Variants in PTPN2 observed in about 807,000 individuals in gnomAD.
The protein encoded by PTPN2 is protein tyrosine phosphatase non-receptor type 2.
A neutral mutation model predicts 57.3 loss-of-function variants in PTPN2; 19 were observed. The ratio of observed to expected loss-of-function variants is 0.33; its 90% confidence interval spans 0.23 to 0.49. The LOEUF (loss-of-function observed/expected upper bound fraction) is 0.49, where lower values mean the gene tolerates loss of function less well. PTPN2 is among the 20% of genes least tolerant of loss of function. The pLI is 0.99. For synonymous variants in PTPN2, 153 were observed against 164.9 expected, an observed-to-expected ratio of 0.93 and a Z score of 0.55; for missense variants, 358 against 501.1, an observed-to-expected ratio of 0.71 and a Z score of 2.73.
chr18:12,880,893 A>C (rs74488830), intron 1 of PTPN2, among the ~76,000 whole-genome samples: 15,147 of 152,248 alleles, frequency 0.099, 994 homozygotes, highest in Non-Finnish European at 0.15. Flanking sequence ...TATACATTCA[A>C]CTAGCTTCAT....
chr18:12,864,009 A>C (rs767615772), intron 1 of PTPN2: 1 of 152,210 alleles, frequency 6.6e-6, no homozygotes, highest in Non-Finnish European at 1.5e-5. Context: ...ATGACAAAGA[A>C]AAGACTGGTT....
intron 1 of PTPN2, among the ~76,000 whole-genome samples, chr18:12,865,041 CTT>C (rs2043943704): frequency 6.6e-6 from 1 of 152,166 alleles, no homozygotes; most frequent in Non-Finnish European, 1.5e-5. Flanking sequence ...CATCATTATA[CTT>C]TGTTTTTCAT....
At chr18:12,852,687 C>A (rs917528980) in intron 2 of PTPN2, among the ~76,000 whole-genome samples, 1 of 152,124 alleles carries the variant, frequency 6.6e-6, no homozygotes, top group South Asian at 2.1e-4. Context: ...AGCCCAAATT[C>A]TTCCTAATTT....
intron 5 of PTPN2, among the ~76,000 whole-genome samples, chr18:12,823,966 C>T (rs1435182401): frequency 1.3e-5 from 2 of 152,106 alleles, no homozygotes; most frequent in African/African-American, 4.8e-5. Flanking sequence ...AACAGGGAAA[C>T]ACATCTATGC....
chr18:12,875,838 G>C (rs2044468775), intron 1 of PTPN2, among the ~76,000 whole-genome samples: 2 of 152,182 alleles, frequency 1.3e-5, no homozygotes, highest in South Asian at 4.1e-4. Flanking sequence ...AGAACAGCAG[G>C]GGACTGAGAG....
chr18:12,829,306 A>G (rs2042586107), intron 4 of PTPN2, among the ~76,000 whole-genome samples: 2 of 152,148 alleles, frequency 1.3e-5, no homozygotes, highest in African/African-American at 4.8e-5. Context: ...ACTTGAGGTC[A>G]GGAACTTGAG....
chr18:12,805,217 G>A (rs2041596260), intron 7 of PTPN2, among the ~76,000 whole-genome samples: 1 of 152,078 alleles, frequency 6.6e-6, no homozygotes, highest in African/African-American at 2.4e-5. Flanking sequence ...AGCACTTTGG[G>A]AGGCTGAGGT....
intron 1 of PTPN2, 55 bp downstream of exon 1, chr18:12,884,018 C>T: frequency 3.4e-6 from 5 of 1,461,098 alleles, no homozygotes; most frequent in Non-Finnish European, 4.6e-6. Flanking sequence ...GCGGACAGGG[C>T]ACGAGTCCGG....
intron 6 of PTPN2, among the ~76,000 whole-genome samples, chr18:12,815,292 G>A (rs1358613849): frequency 6.6e-6 from 1 of 150,804 alleles, no homozygotes; most frequent in Non-Finnish European, 1.5e-5. Flanking sequence ...CGCACTTGTA[G>A]TCCCAGCTAC....
Position 12,870,377 on chromosome 18 carries a change from A to C in PTPN2, c.70-11123T>G, listed in dbSNP as rs1305482216. Among the ~76,000 whole-genome samples the C allele has an allele frequency of 7.8e-5, 5 of 64,076 alleles. 1 individual carries two copies. Among genetic ancestry groups the C allele is most frequent in the African/African-American group, 5.5e-4 (5 of 9,142 alleles). The allele number at this position is 64,076 out of a possible 152,430, so 42.0% of individuals were successfully genotyped here. A position where few individuals can be genotyped will look rare whatever the true frequency, so the allele number is the denominator to read the frequency against. ...TGTATATATATGTGTATATATACATATATATACGTATATATGTATATATAC... is the reference window on the plus strand; with the variant it reads ...TGTATATATATGTGTATATATACATCTATATACGTATATATGTATATATAC... On this transcript the variant is annotated intron_variant, in intron 1 of 8. Coordinates refer to ENST00000309660, the MANE Select transcript of PTPN2 (RefSeq NM_002828.4).
At chr18:12,865,040 AC>A (rs1219497523) in intron 1 of PTPN2, among the ~76,000 whole-genome samples, 2 of 152,318 alleles carry the variant, frequency 1.3e-5, no homozygotes, top group East Asian at 3.9e-4. Flanking sequence ...TCATCATTAT[AC>A]TTTGTTTTTC....
chr18:12,800,080 CA>C (rs1885536756), intron 8 of PTPN2, among the ~76,000 whole-genome samples: 1 of 152,138 alleles, frequency 6.6e-6, no homozygotes, highest in South Asian at 2.1e-4. Context: ...AAAACACCGC[CA>C]CCACATGCGA....
At position 12,793,590 on chromosome 18, in the gene PTPN2, G is replaced by T. The variant is rs112545847; in HGVS notation, c.*688C>A. On this transcript the variant is annotated 3_prime_UTR_variant, in exon 9 of 9. Transcript: ENST00000309660. ...ATGGGGAAAACTGTAAAACATAAAA[G>T]AAATGCAATATATAGTAGAAATTGC... The T allele has an allele frequency of 1.4e-4, 137 of 977,742 alleles. No homozygotes were observed. Among genetic ancestry groups the T allele is most frequent in the Middle Eastern group, 5.3e-4 (1 of 1,898 alleles). 60.6% of individuals were successfully genotyped at this position (977,742 alleles called of 1,614,324 possible).
In PTPN2 at chr18:12,841,000, T is replaced by C. The variant is rs1344528733; in HGVS notation, c.161-4109A>G. On this transcript the variant is annotated intron_variant, in intron 2 of 8. Coordinates refer to ENST00000309660, the MANE Select transcript of PTPN2 (RefSeq NM_002828.4). The stretch of plus-strand genomic sequence containing the variant: ...ATACACAATTTTTAGTCAACAAACA[T>C]ATTTTAACCTATAGGGATCTAAAGG... The C allele has an allele frequency of 3.5e-6, 5 of 1,418,794 alleles. No homozygotes were observed. The Admixed American group carries it at 1.1e-4, about 31-fold the overall frequency. 87.9% of individuals were successfully genotyped at this position (1,418,794 alleles called of 1,614,324 possible). A position where few individuals can be genotyped will look rare whatever the true frequency, so the allele number is the denominator to read the frequency against.
chr18:12,846,427 C>T (rs1241388391), intron 2 of PTPN2, among the ~76,000 whole-genome samples: 2 of 152,162 alleles, frequency 1.3e-5, no homozygotes, highest in East Asian at 1.9e-4. Context: ...TGTTTCTTTA[C>T]ATCAGTATAG....
intron 1 of PTPN2, among the ~76,000 whole-genome samples, chr18:12,866,589 A>G (rs1415407385): frequency 6.6e-6 from 1 of 152,230 alleles, no homozygotes; most frequent in Non-Finnish European, 1.5e-5. Flanking sequence ...AGAATGGAGA[A>G]TAACTGTATG....
At chr18:12,788,452 T>A (rs1390668720), downstream of PTPN2, among the ~76,000 whole-genome samples, 6 of 148,504 alleles carry the variant, frequency 4.0e-5, no homozygotes, top group African/African-American at 1.5e-4. Context: ...TTTTTTTTTT[T>A]AAATAGAGTG....
At chr18:12,819,570 G>A (rs2042201426) in intron 5 of PTPN2, among the ~76,000 whole-genome samples, 1 of 151,934 alleles carries the variant, frequency 6.6e-6, no homozygotes, top group African/African-American at 2.4e-5. Flanking sequence ...TTTCTGTTAT[G>A]GGCAGTGGTT....
In PTPN2 at chr18:12,792,618, T is replaced by A. The variant is rs567865137; in HGVS notation, c.*1660A>T. 4 of 149,606 alleles carry A rather than the reference T, an allele frequency of 2.7e-5. No homozygotes were observed. Among genetic ancestry groups the A allele is most frequent in the African/African-American group, 9.9e-5 (4 of 40,248 alleles). The allele number at this position is 149,606 out of a possible 1,614,324, so 9.3% of individuals were successfully genotyped here. ...TTTGTTTGTTTCTTTTGAGATGGAGTCTCGCTCTGTCGCCCTGGCTGGAGT... is the reference window on the plus strand; with the variant it reads ...TTTGTTTGTTTCTTTTGAGATGGAGACTCGCTCTGTCGCCCTGGCTGGAGT... On this transcript the variant is annotated 3_prime_UTR_variant, in exon 9 of 9. Transcript: ENST00000309660.
Sources: gnomAD v4.1 joint callset for allele counts (sites outside exome capture counted in the v4.1 genomes callset) on GRCh38, gnomAD v4.1.1 for gene constraint, MANE v1.5 for transcripts, NCBI Gene and HGNC (gene_info 2026-07-23, HGNC 2026-07-21) for gene names.